Variants in PSG8 observed in about 807,000 individuals in gnomAD.
PSG8 encodes pregnancy specific beta-1-glycoprotein 8.
In PSG8, 57 loss-of-function variants were observed where a neutral mutation model predicts 42.5. The ratio of observed to expected loss-of-function variants is 1.34; its 90% confidence interval spans 1.08 to 1.67. PSG8 has a LOEUF of 1.67. PSG8 is among the 40% of genes most tolerant of loss of function. PSG8 has a pLI of 0.00. For missense variants in PSG8, 783 were observed against 518.6 expected (o/e 1.51, Z -4.95); for synonymous variants, 280 against 196.8 (o/e 1.42, Z -3.54).
intron 2 of PSG8, chr19:42,763,613 C>A: frequency 2.0e-6 from 1 of 494,406 alleles, no homozygotes; most frequent in Non-Finnish European, 3.5e-6. Flanking sequence ...GGGTCTTTCT[C>A]AGGGTCAAAT....
chr19:42,761,806 C>T (rs1483976190), intron 2 of PSG8, among the ~76,000 whole-genome samples: 6 of 144,978 alleles, frequency 4.1e-5, no homozygotes, highest in African/African-American at 1.5e-4. Flanking sequence ...TGACTAGAAA[C>T]CAACATTTCA....
At chr19:42,762,312 C>A (rs1174939799) in intron 2 of PSG8, among the ~76,000 whole-genome samples, 1 of 151,896 alleles carries the variant, frequency 6.6e-6, no homozygotes, top group Non-Finnish European at 1.5e-5. Context: ...CCAGGTGCCC[C>A]CAGCTCCACA....
intron 1 of PSG8, 120 bp downstream of exon 1, chr19:42,765,398 T>C (rs770112285): frequency 1.4e-5 from 21 of 1,473,564 alleles, no homozygotes; most frequent in Admixed American, 1.3e-4. Context: ...ATGATCCACC[T>C]GCCTCAGCCT....
At chr19:42,753,302 T>A (rs1969826693), downstream of PSG8, 15 of 780,148 alleles carry the variant, frequency 1.9e-5, no homozygotes, top group Non-Finnish European at 3.6e-5. Context: ...TGGAACAGAG[T>A]GGGTCTTTTT....
At chr19:42,760,617 C>G (rs1376340218) in intron 2 of PSG8, among the ~76,000 whole-genome samples, 2 of 151,966 alleles carry the variant, frequency 1.3e-5, no homozygotes, top group Non-Finnish European at 2.9e-5. Flanking sequence ...GAGTCTCACT[C>G]TGTCACCCTG....
At chr19:42,753,424 C>G, downstream of PSG8, 2 of 777,084 alleles carry the variant, frequency 2.6e-6, no homozygotes, top group Non-Finnish European at 4.8e-6. Context: ...GAGATGCAAT[C>G]TCATAACAGG....
downstream of PSG8, chr19:42,754,172 A>G (rs537664309): frequency 1.2e-4 from 178 of 1,510,290 alleles, no homozygotes; most frequent in South Asian, 1.5e-4. Flanking sequence ...TAAAGTTTTC[A>G]AAGTTCTTAG....
intron 1 of PSG8, among the ~76,000 whole-genome samples, chr19:42,764,534 C>G (rs369030685): frequency 6.6e-6 from 1 of 152,088 alleles, no homozygotes; most frequent in East Asian, 1.9e-4. Flanking sequence ...CTGACCTTGG[C>G]ATTTTTCTGT....
At chr19:42,763,797 C>T (rs1311751837) in intron 2 of PSG8, 119 bp downstream of exon 2, 68 of 1,568,008 alleles carry the variant, frequency 4.3e-5, no homozygotes, top group Non-Finnish European at 5.4e-5. Context: ...GCCCAAACCC[C>T]AGCATGGGAC....
intron 2 of PSG8, among the ~76,000 whole-genome samples, chr19:42,763,529 G>T (rs544335591): frequency 3.3e-5 from 5 of 152,216 alleles, no homozygotes; most frequent in South Asian, 2.1e-4. Flanking sequence ...TGTTCTGGGG[G>T]TGAGGCTTCT....
chr19:42,760,850 T>A (rs1313818736), intron 2 of PSG8, among the ~76,000 whole-genome samples: 3 of 152,160 alleles, frequency 2.0e-5, no homozygotes, highest in Non-Finnish European at 4.4e-5. Flanking sequence ...GTGCTGGTAT[T>A]GTAGGTGTGA....
In PSG8 at chr19:42,764,059, C is replaced by A; in HGVS notation, c.287G>T (p.Ser96Ile). 6.2e-7 allele frequency: 1 copy of A among 1,613,810 alleles called. No homozygotes were observed. The highest frequency in any genetic ancestry group is 8.5e-7 in the Non-Finnish European group (1 of 1,179,874). ...ATTGGAATATATTGTTTCTCGTCCA[C>A]TGTATGCAGGCCCATATATAATTAT... ...GQIIIYGPAY[S>I]GRETIYSNAS... The change falls in exon 2 of 5, where the codon AGT becomes ATT. Residue 96 changes from serine to isoleucine, a missense_variant. Transcript: ENST00000306511.
intron 2 of PSG8, 140 bp from the exon 3 acceptor site, chr19:42,758,420 G>C: frequency 1.3e-6 from 2 of 1,502,730 alleles, no homozygotes; most frequent in Non-Finnish European, 1.8e-6. Flanking sequence ...TGTGTTGCAA[G>C]ACAGATGCAG....
At chr19:42,761,007 C>A (rs1442550407) in intron 2 of PSG8, among the ~76,000 whole-genome samples, 2 of 152,078 alleles carry the variant, frequency 1.3e-5, no homozygotes, top group African/African-American at 2.4e-5. Flanking sequence ...AGGAAGTGAC[C>A]AGAGAATGTG....
chr19:42,758,543 A>T (rs887539551), intron 2 of PSG8: 24 of 720,400 alleles, frequency 3.3e-5, no homozygotes, highest in Non-Finnish European at 4.6e-5. Flanking sequence ...CAGGACCAGC[A>T]GTCACAGCCC....
intron 2 of PSG8, among the ~76,000 whole-genome samples, chr19:42,759,434 C>T (rs1258698521): frequency 6.6e-6 from 1 of 152,124 alleles, no homozygotes; most frequent in Non-Finnish European, 1.5e-5. Context: ...AGATAAAGTG[C>T]TCCTTATGCA....
At chr19:42,764,491 G>T (rs924761080) in intron 1 of PSG8, among the ~76,000 whole-genome samples, 1 of 151,816 alleles carries the variant, frequency 6.6e-6, no homozygotes, top group African/African-American at 2.4e-5. Flanking sequence ...CTAGGTCAAG[G>T]TCAGCCCCAT....
chr19:42,752,914 G>A (rs1353160992), downstream of PSG8: 1 of 302,832 alleles, frequency 3.3e-6, no homozygotes, highest in African/African-American at 2.1e-5. Context: ...GCAAGGTGGA[G>A]AGAGCCACAT....
intron 2 of PSG8, chr19:42,758,742 A>G (rs1439943997): frequency 5.4e-6 from 1 of 186,192 alleles, no homozygotes; most frequent in Non-Finnish European, 1.1e-5. Flanking sequence ...AATTGTCTTT[A>G]AACCCTTTGG....
Sources: allele counts gnomAD v4.1 joint callset (sites outside exome capture counted in the v4.1 genomes callset), GRCh38; gene constraint gnomAD v4.1.1; transcripts MANE v1.5; gene names NCBI Gene and HGNC (gene_info 2026-07-23, HGNC 2026-07-21).